The following UBE2W variants were observed in gnomAD, a reference collection of about 807,000 sequenced individuals.
UBE2W encodes the protein ubiquitin-conjugating enzyme E2 W.
Under a neutral mutation model 27.2 loss-of-function variants are expected in UBE2W, and 18 were observed. The observed-to-expected ratio is 0.66, with a 90% CI of 0.46 to 0.98. The LOEUF is 0.98. Ranked by LOEUF, UBE2W falls within the 50% of genes least tolerant of loss-of-function variation. The pLI is 0.00. For synonymous variants in UBE2W, 53 were observed against 57.2 expected (o/e 0.93, Z 0.33); for missense variants, 90 against 180.2 (o/e 0.50, Z 2.87).
rs1267538465 is a variant in UBE2W at position 73,793,568 on chromosome 8, A to G, written c.*534T>C. On this transcript the variant is annotated 3_prime_UTR_variant, in exon 6 of 6. Transcript: ENST00000602593. ...CATGTTAATTCATGCTGTTAACCTT[A>G]GGATCACAGTGCATAGAATCCAAAT... 3.0e-6 allele frequency: 3 copies of G among 985,862 alleles called. No individual in the cohort carries two copies. In the African/African-American group the frequency reaches 5.2e-5, roughly 17 times the overall value. 61.1% of individuals were successfully genotyped at this position (985,862 alleles called of 1,614,324 possible). A position where few individuals can be genotyped will look rare whatever the true frequency, so the allele number is the denominator to read the frequency against.
chr8:73,854,225 GA>G (rs1326419396), intron 1 of UBE2W, among the ~76,000 whole-genome samples: 2 of 151,806 alleles, frequency 1.3e-5, no homozygotes, highest in Non-Finnish European at 2.9e-5. Flanking sequence ...TTATACTAAA[GA>G]ATACCATAAA....
chr8:73,787,941 A>C lies in UBE2W; in HGVS notation c.*6161T>G, dbSNP rs549602738. 44 of 985,354 alleles carry C rather than the reference A, an allele frequency of 4.5e-5. No homozygotes were observed. In the South Asian group the frequency reaches 1.9e-3, roughly 43 times the overall value. The allele number at this position is 985,354 out of a possible 1,614,324, so 61.0% of individuals were successfully genotyped here. ...CATATTACATAAAGGTGATGTGTTA[A>C]ATAGATGGTTTAAGTGACTATCTTC... On this transcript the variant is annotated 3_prime_UTR_variant, in exon 6 of 6. Coordinates refer to ENST00000602593, the MANE Select transcript of UBE2W (RefSeq NM_018299.6).
At chr8:73,874,206 C>A (rs536140487) in intron 1 of UBE2W, among the ~76,000 whole-genome samples, 1 of 151,700 alleles carries the variant, frequency 6.6e-6, no homozygotes, top group Non-Finnish European at 1.5e-5. Flanking sequence ...CCGAGGCGGG[C>A]GGATCACGAG....
chr8:73,798,692 A>C (rs1808518958), intron 5 of UBE2W, among the ~76,000 whole-genome samples: 1 of 152,232 alleles, frequency 6.6e-6, no homozygotes, highest in African/African-American at 2.4e-5. Context: ...AATTATTTTT[A>C]TGGTCTCACA....
chr8:73,837,093 G>T (rs549300502), intron 1 of UBE2W, among the ~76,000 whole-genome samples: 6 of 152,282 alleles, frequency 3.9e-5, no homozygotes, highest in African/African-American at 9.6e-5. Context: ...GCCATCAATT[G>T]TAAGATGCAT....
rs1808296791 is a variant in UBE2W, at chr8:73,793,742, C to T, written c.*360G>A. ...ATGAAAACTTTTCCTGTTACAACGCCCATTGCCGGCAATGAACGTACCAAA... is the reference window on the plus strand; with the variant it reads ...ATGAAAACTTTTCCTGTTACAACGCTCATTGCCGGCAATGAACGTACCAAA... On this transcript the variant is annotated 3_prime_UTR_variant, in exon 6 of 6. Transcript: ENST00000602593. 9.8e-7 allele frequency: 1 copy of T among 1,020,822 alleles called. No homozygotes were observed. The highest frequency in any genetic ancestry group is 5.7e-5 in the Admixed American group (1 of 17,512). 63.2% of individuals were successfully genotyped at this position (1,020,822 alleles called of 1,614,324 possible).
Position 73,841,163 on chromosome 8 carries a change from CATTAAT to C in UBE2W, c.16-10697_16-10692del, listed in dbSNP as rs1319191221. ...ATGGAAAAAACAGAAACACCATTCA[CATTAAT>C]ATTAATAGCACTGCACTAATAAGTA... On this transcript the variant is annotated intron_variant, in intron 1 of 5. Transcript: ENST00000602593. Among the ~76,000 whole-genome samples the C allele has an allele frequency of 3.3e-5, 5 of 152,154 alleles. No homozygotes were observed. In the East Asian group the frequency reaches 9.6e-4, roughly 29 times the overall value.
At chr8:73,814,525 G>C (rs78008042) in intron 3 of UBE2W, among the ~76,000 whole-genome samples, 1 of 151,952 alleles carries the variant, frequency 6.6e-6, no homozygotes, top group African/African-American at 2.4e-5. Flanking sequence ...ATTAGAAACA[G>C]TCTTTTTTTT....
At chr8:73,852,630 T>C (rs1258452923) in intron 1 of UBE2W, among the ~76,000 whole-genome samples, 2 of 152,210 alleles carry the variant, frequency 1.3e-5, no homozygotes, top group East Asian at 3.8e-4. Context: ...TTTTTTTACC[T>C]TCCAGGTTTC....
At chr8:73,846,179 G>A (rs1164692323) in intron 1 of UBE2W, among the ~76,000 whole-genome samples, 1 of 152,132 alleles carries the variant, frequency 6.6e-6, no homozygotes, top group Non-Finnish European at 1.5e-5. Flanking sequence ...CCTGAGGTCA[G>A]GAGTTCGAGA....
At chr8:73,813,083 CAAA>C (rs56094830) in intron 3 of UBE2W, among the ~76,000 whole-genome samples, 344 of 43,446 alleles carry the variant, frequency 7.9e-3, no homozygotes, top group African/African-American at 0.028. Context: ...GAAAGTGCCA[CAAA>C]AAAAAAAAAA....
chr8:73,856,258 A>G (rs1811292532), intron 1 of UBE2W, among the ~76,000 whole-genome samples: 1 of 152,124 alleles, frequency 6.6e-6, no homozygotes, highest in East Asian at 1.9e-4. Flanking sequence ...TTTCAATTTA[A>G]CATTGTAGGA....
chr8:73,866,290 A>AATATATATAT lies in UBE2W; in HGVS notation c.15+12508_15+12517dup, dbSNP rs71269958. Among the ~76,000 whole-genome samples the AATATATATAT allele has an allele frequency of 1.8e-3, 76 of 43,086 alleles. 1 individual carries two copies. The highest frequency in any genetic ancestry group is 2.3e-3 in the Non-Finnish European group (55 of 23,906). The allele number at this position is 43,086 out of a possible 152,430, so 28.3% of individuals were successfully genotyped here. A position where few individuals can be genotyped will look rare whatever the true frequency, so the allele number is the denominator to read the frequency against. ...GTCTAAAAAAAAAAAAAAAAAAAAA[A>AATATATATAT]ATATATATATATATATATATATATA... On this transcript the variant is annotated intron_variant, in intron 1 of 5. Transcript: ENST00000602593.
At position 73,791,263 on chromosome 8, in the gene UBE2W, C is replaced by CAA. The variant is rs1491124189; in HGVS notation, c.*2837_*2838dup. On this transcript the variant is annotated 3_prime_UTR_variant, in exon 6 of 6. Transcript: ENST00000602593. Reference sequence around the variant, plus strand: ...CCTATGGCATTAATCCCTACTTGACCAAAGAAAAAAAAAAAAAAGAAGGGC... The same window carrying CAA: ...CCTATGGCATTAATCCCTACTTGACCAAAAAGAAAAAAAAAAAAAAGAAGGGC... The CAA allele has an allele frequency of 3.5e-3, 3,372 of 960,228 alleles. 102 individuals are homozygous for CAA. The African/African-American group carries it at 0.07, about 20-fold the overall frequency. 59.5% of individuals were successfully genotyped at this position (960,228 alleles called of 1,614,324 possible). A position where few individuals can be genotyped will look rare whatever the true frequency, so the allele number is the denominator to read the frequency against.
Position 73,786,903 on chromosome 8 carries a change from G to T in UBE2W, c.*7199C>A. On this transcript the variant is annotated 3_prime_UTR_variant, in exon 6 of 6. Coordinates refer to ENST00000602593, the MANE Select transcript of UBE2W (RefSeq NM_018299.6). ...GATAAAAGAAATATGTTTTCATTGA[G>T]GTATGGAAACATAAAATTTTAATGT... 1 of 985,178 alleles carries T rather than the reference G, an allele frequency of 1.0e-6. No homozygotes were observed. The highest frequency in any genetic ancestry group is 1.2e-6 in the Non-Finnish European group (1 of 829,764). 61.0% of individuals were successfully genotyped at this position (985,178 alleles called of 1,614,324 possible). A position where few individuals can be genotyped will look rare whatever the true frequency, so the allele number is the denominator to read the frequency against.
chr8:73,862,036 G>C (rs555557692), intron 1 of UBE2W, among the ~76,000 whole-genome samples: 1 of 152,260 alleles, frequency 6.6e-6, no homozygotes, highest in African/African-American at 2.4e-5. Flanking sequence ...TCTAAAACAG[G>C]TACAAGGAGA....
intron 3 of UBE2W, among the ~76,000 whole-genome samples, chr8:73,817,768 C>T (rs1389174191): frequency 5.3e-5 from 8 of 152,208 alleles, no homozygotes; most frequent in Non-Finnish European, 1.2e-4. Context: ...CTGCCTTGGC[C>T]TCCCAAAGTG....
chr8:73,858,253 T>C (rs1026055053), intron 1 of UBE2W, among the ~76,000 whole-genome samples: 2 of 150,036 alleles, frequency 1.3e-5, no homozygotes, highest in Admixed American at 6.7e-5. Flanking sequence ...TCCAGCTACT[T>C]AGGAGGCTGA....
Position 73,791,331 on chromosome 8 carries a change from G to GTATCA in UBE2W, c.*2766_*2770dup, listed in dbSNP as rs1322753384. On this transcript the variant is annotated 3_prime_UTR_variant, in exon 6 of 6. Coordinates refer to ENST00000602593, the MANE Select transcript of UBE2W (RefSeq NM_018299.6). ...AGCATGCATAAATAAGGAAGCAAAT[G>GTATCA]TATCACTGTCTTAATAGAATTTGGC... 1.0e-6 allele frequency: 1 copy of GTATCA among 981,656 alleles called. No individual in the cohort carries two copies. Among genetic ancestry groups the GTATCA allele is most frequent in the Admixed American group, 6.3e-5 (1 of 15,930 alleles). 60.8% of individuals were successfully genotyped at this position (981,656 alleles called of 1,614,324 possible).
Sources: allele counts gnomAD v4.1 joint callset (sites outside exome capture counted in the v4.1 genomes callset), GRCh38; gene constraint gnomAD v4.1.1; transcripts MANE v1.5; gene names NCBI Gene and HGNC (gene_info 2026-07-23, HGNC 2026-07-21).